CACHD1: variants seen among roughly 807,000 people sequenced by gnomAD.
The protein encoded by CACHD1 is cache domain containing 1.
CACHD1 carries 71 observed loss-of-function variants against 138.7 expected under a neutral mutation model. The observed-to-expected ratio is 0.51, with a 90% CI of 0.42 to 0.62. The LOEUF is 0.62. Ranked by LOEUF, CACHD1 falls within the 20% of genes least tolerant of loss-of-function variation. The pLI is 0.00. For synonymous variants in CACHD1, 578 were observed against 591.5 expected (o/e 0.98, Z 0.33); for missense variants, 1,389 against 1,625.3 (o/e 0.85, Z 2.50).
At chr1:64,573,385 T>A (rs1462920951) in intron 2 of CACHD1, among the ~76,000 whole-genome samples, 1 of 152,210 alleles carries the variant, frequency 6.6e-6, no homozygotes, top group Non-Finnish European at 1.5e-5. Context: ...GTCATCTTGA[T>A]CTTTGACTTC....
At chr1:64,535,654 A>G (rs1283406257) in intron 1 of CACHD1, among the ~76,000 whole-genome samples, 1 of 152,200 alleles carries the variant, frequency 6.6e-6, no homozygotes, top group Non-Finnish European at 1.5e-5. Flanking sequence ...CAGAAATTCA[A>G]TATAGGGAGA....
chr1:64,478,364 C>T (rs1320789568), intron 1 of CACHD1, among the ~76,000 whole-genome samples: 1 of 152,210 alleles, frequency 6.6e-6, no homozygotes, highest in African/African-American at 2.4e-5. Flanking sequence ...TAGGCACACA[C>T]ATTGGACTAC....
intron 9 of CACHD1, 41 bp from the exon 10 acceptor site, chr1:64,652,120 T>C (rs1012870397): frequency 6.5e-7 from 1 of 1,540,480 alleles, no homozygotes; most frequent in Non-Finnish European, 8.8e-7. Context: ...TCCAATTCCT[T>C]CTCTGCTGGT....
intron 1 of CACHD1, among the ~76,000 whole-genome samples, chr1:64,537,107 A>G (rs1050751630): frequency 6.6e-6 from 1 of 152,156 alleles, no homozygotes; most frequent in Non-Finnish European, 1.5e-5. Flanking sequence ...ATGATGTGAA[A>G]GTAAATATTC....
chr1:64,482,335 T>A (rs1646215963), intron 1 of CACHD1, among the ~76,000 whole-genome samples: 1 of 152,202 alleles, frequency 6.6e-6, no homozygotes, highest in African/African-American at 2.4e-5. Flanking sequence ...TTTAATTGAT[T>A]GGCTCTCTCT....
chr1:64,486,369 TACACAC>T (rs3078376), intron 1 of CACHD1, among the ~76,000 whole-genome samples: 96 of 145,128 alleles, frequency 6.6e-4, no homozygotes, highest in African/African-American at 2.2e-3. Context: ...CACACACACA[TACACAC>T]ACACACACAC....
intron 1 of CACHD1, among the ~76,000 whole-genome samples, chr1:64,500,717 TAA>T (rs72436564): frequency 3.4e-3 from 115 of 33,956 alleles, no homozygotes; most frequent in African/African-American, 5.3e-3. Flanking sequence ...CCTTGTCTCT[TAA>T]AAAAAAAAAA....
chr1:64,493,522 T>C (rs1441979823), intron 1 of CACHD1, among the ~76,000 whole-genome samples: 2 of 152,240 alleles, frequency 1.3e-5, no homozygotes, highest in East Asian at 3.8e-4. Flanking sequence ...AGGGAACTAT[T>C]ATGCCTCTCT....
chr1:64,627,477 G>C (rs1648150647), intron 4 of CACHD1, among the ~76,000 whole-genome samples: 1 of 151,982 alleles, frequency 6.6e-6, no homozygotes, highest in African/African-American at 2.4e-5. Flanking sequence ...TTCAGAACAG[G>C]ACAGTCACTG....
intron 21 of CACHD1, among the ~76,000 whole-genome samples, chr1:64,676,548 A>G (rs185269631): frequency 5.9e-5 from 9 of 152,236 alleles, no homozygotes; most frequent in Non-Finnish European, 7.4e-5. Flanking sequence ...GGCTCACTGC[A>G]ACCTCTACCT....
intron 9 of CACHD1, among the ~76,000 whole-genome samples, chr1:64,650,614 A>G (rs957405676): frequency 6.6e-6 from 1 of 152,318 alleles, no homozygotes; most frequent in Middle Eastern, 3.4e-3. Flanking sequence ...CTATCAAGTG[A>G]TGCATTTAGT....
intron 2 of CACHD1, among the ~76,000 whole-genome samples, chr1:64,566,660 A>G (rs577434070): frequency 1.5e-5 from 2 of 137,384 alleles, no homozygotes; most frequent in Admixed American, 1.4e-4. Context: ...AATTCATCTT[A>G]TTTGTTTGGA....
At position 64,675,472 on chromosome 1, in the gene CACHD1, C is replaced by T. The variant is rs202094393; in HGVS notation, c.2799C>T (p.Asn933=). The stretch of plus-strand genomic sequence containing the variant: ...GATTAGCAAGGATCCCAGGAACCAA[C>T]GCGTTTGTTGGCATTGTCAACGAAA... The part of the protein sequence containing the change: ...KYRLARIPGT[N]AFVGIVNETC... Residue 933 remains asparagine (N), a synonymous_variant, in exon 20 of 27, where the codon AAC becomes AAT. Transcript: ENST00000651257. 13 of 1,613,780 alleles carry T rather than the reference C, an allele frequency of 8.1e-6. No homozygotes were observed. Among genetic ancestry groups the T allele is most frequent in the African/African-American group, 5.3e-5 (4 of 75,042 alleles).
At position 64,691,552 on chromosome 1, in the gene CACHD1, A is replaced by G; in HGVS notation, c.3816A>G (p.Ala1272=). 4.3e-6 allele frequency: 7 copies of G among 1,613,452 alleles called. No homozygotes were observed. Among genetic ancestry groups the G allele is most frequent in the Non-Finnish European group, 5.9e-6 (7 of 1,179,414 alleles). Residue 1272 remains alanine, a synonymous_variant, in exon 27 of 27, where the codon GCA becomes GCG. Transcript: ENST00000651257. Reference sequence around the variant, plus strand: ...CCGTCACGGTACACACTGTCGATGCAGAATGCTAACAATCTCCTCACCTCC... The same window carrying G: ...CCGTCACGGTACACACTGTCGATGCGGAATGCTAACAATCTCCTCACCTCC... ...QAAVTVHTVD[A]EC is the part of the protein sequence containing the mutation.
chr1:64,610,572 G>T (rs1246794762), intron 4 of CACHD1, among the ~76,000 whole-genome samples: 2 of 152,228 alleles, frequency 1.3e-5, no homozygotes, highest in African/African-American at 2.4e-5. Context: ...GATCTCCTTT[G>T]ACTAGATGTC....
chr1:64,675,993 TTAATAATAATAATAA>T lies in CACHD1; in HGVS notation c.2975+43_2975+57del, dbSNP rs6143245. 0.1 allele frequency: 42,032 copies of T among 421,266 alleles called. 2,965 individuals are homozygous for T. Among genetic ancestry groups the T allele is most frequent in the Admixed American group, 0.23 (4,748 of 20,758 alleles). 26.1% of individuals were successfully genotyped at this position (421,266 alleles called of 1,614,324 possible). A position where few individuals can be genotyped will look rare whatever the true frequency, so the allele number is the denominator to read the frequency against. On this transcript the variant is annotated intron_variant, in intron 21 of 26. Transcript: ENST00000651257. ...CCAATGCAGAGAACCGGTAAAATAA[TTAATAATAATAATAA>T]TAATAATAATAATAATAATAATAAT... is the stretch of plus-strand genomic sequence containing the variant.
chr1:64,531,441 C>T (rs964829058), intron 1 of CACHD1, among the ~76,000 whole-genome samples: 4 of 151,948 alleles, frequency 2.6e-5, no homozygotes, highest in Non-Finnish European at 4.4e-5. Flanking sequence ...GGATGAATAA[C>T]TCTGCTTTCT....
At chr1:64,498,904 A>T (rs1458720441) in intron 1 of CACHD1, among the ~76,000 whole-genome samples, 1 of 152,198 alleles carries the variant, frequency 6.6e-6, no homozygotes, top group East Asian at 1.9e-4. Flanking sequence ...TCTCTTTGCA[A>T]CTTGCAGAAT....
intron 1 of CACHD1, 94 bp from the exon 2 acceptor site, chr1:64,550,500 G>C: frequency 2.3e-6 from 2 of 858,040 alleles, no homozygotes; most frequent in South Asian, 3.5e-5. Context: ...TTTTCTACTA[G>C]ATTCTATTTG....
Sources: allele counts gnomAD v4.1 joint callset (sites outside exome capture counted in the v4.1 genomes callset), GRCh38; gene constraint gnomAD v4.1.1; transcripts MANE v1.5; gene names NCBI Gene and HGNC (gene_info 2026-07-23, HGNC 2026-07-21).